The following ANKS1B variants were observed in gnomAD, a reference collection of about 807,000 sequenced individuals.
ANKS1B encodes the protein ankyrin repeat and sterile alpha motif domain-containing protein 1B.
In ANKS1B, 36 loss-of-function variants were observed where a neutral mutation model predicts 148.3. The observed-to-expected ratio is 0.24, with a 90% CI of 0.19 to 0.32. ANKS1B has a LOEUF of 0.32. Among genes scored for constraint, ANKS1B ranks in the 10% least tolerant of loss-of-function variants. ANKS1B has a pLI of 1.00. For missense variants in ANKS1B, 1,157 were observed against 1,542.6 expected, an observed-to-expected ratio of 0.75 and a Z score of 4.19; for synonymous variants, 542 against 560.8, an observed-to-expected ratio of 0.97 and a Z score of 0.47.
At chr12:99,144,063 A>T (rs1310405886) in intron 15 of ANKS1B, among the ~76,000 whole-genome samples, 1 of 152,124 alleles carries the variant, frequency 6.6e-6, no homozygotes, top group African/African-American at 2.4e-5. Context: ...GTGAGGGGGT[A>T]AAGATAATGT....
chr12:99,813,621 A>T (rs1322057837), intron 2 of ANKS1B, among the ~76,000 whole-genome samples: 3 of 151,630 alleles, frequency 2.0e-5, no homozygotes, highest in Non-Finnish European at 4.4e-5. Context: ...GGTAAAACAT[A>T]CTGTCCAGAA....
At chr12:99,100,583 G>A (rs1477437600) in intron 15 of ANKS1B, among the ~76,000 whole-genome samples, 1 of 152,216 alleles carries the variant, frequency 6.6e-6, no homozygotes, top group East Asian at 1.9e-4. Context: ...AGGCTGGAGT[G>A]CAGTGGCATG....
intron 11 of ANKS1B, among the ~76,000 whole-genome samples, chr12:99,421,467 A>G (rs544354005): frequency 9.2e-5 from 14 of 152,256 alleles, no homozygotes; most frequent in Admixed American, 3.9e-4. Flanking sequence ...GAACCTCTCT[A>G]AATAGCCCAC....
At chr12:99,646,421 G>A (rs2153428223) in intron 9 of ANKS1B, among the ~76,000 whole-genome samples, 1 of 152,172 alleles carries the variant, frequency 6.6e-6, no homozygotes, top group Admixed American at 6.5e-5. Context: ...CACTTGGGGG[G>A]CCAAGGCGGG....
chr12:99,626,715 G>A (rs1052492820), intron 9 of ANKS1B, among the ~76,000 whole-genome samples: 7 of 152,248 alleles, frequency 4.6e-5, no homozygotes, highest in Non-Finnish European at 8.8e-5. Flanking sequence ...ACATTGGGGC[G>A]AATGGAAAAC....
chr12:99,709,096 A>G (rs150599638), intron 8 of ANKS1B, among the ~76,000 whole-genome samples: 1 of 152,264 alleles, frequency 6.6e-6, no homozygotes, highest in African/African-American at 2.4e-5. Context: ...AGCAGATTTT[A>G]GTGGGTCAAT....
intron 8 of ANKS1B, among the ~76,000 whole-genome samples, chr12:99,666,947 G>A (rs2098511310): frequency 6.6e-6 from 1 of 151,488 alleles, no homozygotes; most frequent in African/African-American, 2.4e-5. Flanking sequence ...TATACAATGT[G>A]ATGTTATTAA....
chr12:99,951,190 C>G (rs2095213947), intron 1 of ANKS1B, among the ~76,000 whole-genome samples: 1 of 152,116 alleles, frequency 6.6e-6, no homozygotes, highest in Non-Finnish European at 1.5e-5. Context: ...GCTTTTAGGA[C>G]CTTATTTTAA....
intron 17 of ANKS1B, among the ~76,000 whole-genome samples, chr12:99,035,325 C>G (rs1568473270): frequency 6.6e-6 from 1 of 152,128 alleles, no homozygotes; most frequent in East Asian, 1.9e-4. Context: ...TCGTAATACC[C>G]CCATTCCAGA....
At chr12:99,220,681 T>C (rs900953797) in intron 14 of ANKS1B, among the ~76,000 whole-genome samples, 4 of 151,814 alleles carry the variant, frequency 2.6e-5, no homozygotes, top group Admixed American at 6.6e-5. Context: ...TCTCCTGACC[T>C]TGTGATCCGC....
rs969366071 is a variant in ANKS1B, at chr12:99,897,404, G to A, written c.135-72015C>T. On this transcript the variant is annotated intron_variant, in intron 1 of 26. Transcript: ENST00000683438. ...TCAAATGCATCATACTAGCAAATTT[G>A]AGCAATGTTTTTCACATTCTCATTT... Among the ~76,000 whole-genome samples the A allele has an allele frequency of 2.2e-4, 33 of 151,168 alleles. 1 individual carries two copies. Among genetic ancestry groups the A allele is most frequent in the African/African-American group, 8.0e-4 (33 of 41,342 alleles).
At chr12:99,504,776 T>C (rs2096690035) in intron 9 of ANKS1B, 135 bp from the exon 10 acceptor site, 4 of 647,068 alleles carry the variant, frequency 6.2e-6, no homozygotes, top group Non-Finnish European at 1.0e-5. Context: ...TCTGTTTGAA[T>C]AAATTATAGA....
chr12:98,973,929 T>A, intron 17 of ANKS1B, among the ~76,000 whole-genome samples: 1 of 152,030 alleles, frequency 6.6e-6, no homozygotes, highest in South Asian at 2.1e-4. Context: ...GATACATCGG[T>A]ATATATATGA....
chr12:99,120,933 G>C lies in ANKS1B; in HGVS notation c.2526+33356C>G, dbSNP rs75446777. Among the ~76,000 whole-genome samples, 879 of 152,236 alleles carry C rather than the reference G, an allele frequency of 5.8e-3. 8 individuals are homozygous for C. The highest frequency in any genetic ancestry group is 0.02 in the African/African-American group (820 of 41,510). ...CATTGCATAATGGGAGAAGAAAAGA[G>C]AGGCTTAGAAAAAGTACAGGGCTAG... On this transcript the variant is annotated intron_variant, in intron 15 of 26. Coordinates refer to ENST00000683438, the MANE Select transcript of ANKS1B (RefSeq NM_001352186.2).
chr12:98,973,049 T>C (rs1410693955), intron 17 of ANKS1B, among the ~76,000 whole-genome samples: 1 of 152,224 alleles, frequency 6.6e-6, no homozygotes, highest in African/African-American at 2.4e-5. Context: ...CATGGACATC[T>C]GTATAAAATA....
intron 16 of ANKS1B, among the ~76,000 whole-genome samples, chr12:99,060,868 A>G (rs1291093122): frequency 6.6e-6 from 1 of 152,206 alleles, no homozygotes; most frequent in Non-Finnish European, 1.5e-5. Context: ...AAAAAGAGAG[A>G]GAAAGGTGAT....
chr12:98,871,046 T>C (rs1308231574), intron 17 of ANKS1B, among the ~76,000 whole-genome samples: 1 of 152,200 alleles, frequency 6.6e-6, no homozygotes, highest in Non-Finnish European at 1.5e-5. Context: ...GGTCAGGTCT[T>C]TTTCCCTTTT....
intron 10 of ANKS1B, among the ~76,000 whole-genome samples, chr12:99,492,276 C>G (rs1228558408): frequency 6.6e-6 from 1 of 152,168 alleles, no homozygotes; most frequent in African/African-American, 2.4e-5. Context: ...ATGAACATCT[C>G]TATGCACATA....
chr12:99,251,609 T>A (rs531635297), intron 12 of ANKS1B, among the ~76,000 whole-genome samples: 1 of 152,354 alleles, frequency 6.6e-6, no homozygotes, highest in East Asian at 1.9e-4. Context: ...CAAAGAAATG[T>A]CAGAGTAAAT....
Sources: allele counts gnomAD v4.1 joint callset (sites outside exome capture counted in the v4.1 genomes callset), GRCh38; gene constraint gnomAD v4.1.1; transcripts MANE v1.5; gene names NCBI Gene and HGNC (gene_info 2026-07-23, HGNC 2026-07-21).